RNF17: variants seen among roughly 807,000 people sequenced by gnomAD.
RNF17 encodes spermatogenesis associated 23.
A neutral mutation model predicts 200.5 loss-of-function variants in RNF17; 31 were observed. The observed-to-expected ratio is 0.15, with a 90% CI of 0.12 to 0.21. The LOEUF (loss-of-function observed/expected upper bound fraction) is 0.21. Among genes scored for constraint, RNF17 ranks in the 10% least tolerant of loss-of-function variants. RNF17 has a pLI of 1.00. For missense variants in RNF17, 1,628 were observed against 1,905.1 expected (o/e 0.85, Z 2.71); for synonymous variants, 606 against 637.8 (o/e 0.95, Z 0.75).
intron 15 of RNF17, among the ~76,000 whole-genome samples, chr13:24,824,878 T>C (rs1888453762): frequency 1.3e-5 from 2 of 152,186 alleles, no homozygotes; most frequent in African/African-American, 4.8e-5. Flanking sequence ...TCATTAAGTA[T>C]TAGGCCTTGA....
chr13:24,752,194 A>G, the RNF17 span: 497 of 151,980 alleles, frequency 3.3e-3, 9 homozygotes, highest in East Asian at 0.039. Flanking sequence ...CGATGCCACA[A>G]ATCTCTTCCT....
intron 15 of RNF17, among the ~76,000 whole-genome samples, chr13:24,818,434 AT>A (rs910961905): frequency 3.3e-5 from 5 of 152,086 alleles, no homozygotes; most frequent in African/African-American, 1.2e-4. Flanking sequence ...CTGTTTCCTT[AT>A]TGATACTCTG....
At chr13:24,834,815 G>A (rs1245350632) in intron 18 of RNF17, among the ~76,000 whole-genome samples, 4 of 152,186 alleles carry the variant, frequency 2.6e-5, no homozygotes, top group African/African-American at 9.7e-5. Flanking sequence ...AACAGGGTGA[G>A]AAGCCTCCTG....
rs1186483229 is a variant in RNF17 at position 24,812,145 on chromosome 13, C to G, written c.2091+7716C>G. On this transcript the variant is annotated intron_variant, in intron 15 of 35. Transcript: ENST00000255324. ...GTGGAGCCTATAGAGGCAGGCACGTCTCCTTGAGCTGTGGTGGGCTCCACC... is the reference window on the plus strand; with the variant it reads ...GTGGAGCCTATAGAGGCAGGCACGTGTCCTTGAGCTGTGGTGGGCTCCACC... Among the ~76,000 whole-genome samples, 132 of 142,254 alleles carry G rather than the reference C, an allele frequency of 9.3e-4. 18 individuals are homozygous for G. The highest frequency in any genetic ancestry group is 4.5e-3 in the Admixed American group (59 of 13,124). The allele number at this position is 142,254 out of a possible 152,430, so 93.3% of individuals were successfully genotyped here.
chr13:24,877,303 T>C (rs1894964111), intron 34 of RNF17, 117 bp downstream of exon 34: 1 of 732,688 alleles, frequency 1.4e-6, no homozygotes, highest in South Asian at 1.9e-5. Context: ...TATACAGCTA[T>C]ATAGGATATA....
the RNF17 span, among the ~76,000 whole-genome samples, chr13:24,753,529 C>A: frequency 2.0e-5 from 3 of 152,140 alleles, no homozygotes; most frequent in Admixed American, 6.5e-5. Context: ...CTGTGCTTAC[C>A]TGGAAGAAAG....
At position 24,858,575 on chromosome 13, in the gene RNF17, G is replaced by GATATATATATATAT. The variant is rs397770900; in HGVS notation, c.3611-421_3611-408dup. On this transcript the variant is annotated intron_variant, in intron 25 of 35. Transcript: ENST00000255324. ...CTTACCTTCTATGGTATCAGTTATG[G>GATATATATATATAT]ATATATATATATATATATGTTTACT... 1.4e-3 allele frequency among the ~76,000 whole-genome samples: 203 copies of GATATATATATATAT among 143,234 alleles called. 1 individual carries two copies. The highest frequency in any genetic ancestry group is 1.6e-3 in the African/African-American group (66 of 40,174). The allele number at this position is 143,234 out of a possible 152,430, so 94.0% of individuals were successfully genotyped here. A position where few individuals can be genotyped will look rare whatever the true frequency, so the allele number is the denominator to read the frequency against.
chr13:24,868,242 G>A (rs997947549), intron 30 of RNF17, among the ~76,000 whole-genome samples: 2 of 151,662 alleles, frequency 1.3e-5, no homozygotes, highest in African/African-American at 4.8e-5. Flanking sequence ...AGGCCGAGGC[G>A]GGCGGATCAC....
intron 6 of RNF17, among the ~76,000 whole-genome samples, chr13:24,784,826 CCT>C (rs1322845627): frequency 2.6e-5 from 4 of 152,084 alleles, no homozygotes; most frequent in Admixed American, 2.6e-4. Context: ...CCTGCCTCAG[CCT>C]CCTGAGTAGC....
In RNF17 at chr13:24,865,829, G is replaced by A. The variant is rs189157172; in HGVS notation, c.4102-315G>A. 2.3e-4 allele frequency among the ~76,000 whole-genome samples: 35 copies of A among 152,150 alleles called. No homozygotes were observed. In the South Asian group the frequency reaches 2.7e-3, roughly 12 times the overall value. On this transcript the variant is annotated intron_variant, in intron 29 of 35. Coordinates refer to ENST00000255324, the MANE Select transcript of RNF17 (RefSeq NM_031277.3). ...AGAAGTTACGTCTGTTATTAAACAC[G>A]TTTTATAAAGATTACTTAGTCTTTC...
intron 15 of RNF17, among the ~76,000 whole-genome samples, chr13:24,806,055 G>T (rs746238568): frequency 2.0e-5 from 3 of 151,972 alleles, no homozygotes; most frequent in Non-Finnish European, 4.4e-5. Context: ...CCCCACAACA[G>T]GCCCCAGTGT....
At chr13:24,859,193 C>T (rs757897368) in intron 26 of RNF17, 29 bp downstream of exon 26, 2 of 1,534,086 alleles carry the variant, frequency 1.3e-6, no homozygotes, top group South Asian at 1.3e-5. Context: ...TGTGACAATT[C>T]TAAAGCTAAA....
intron 3 of RNF17, 82 bp downstream of exon 3, chr13:24,774,986 C>G: frequency 1.1e-6 from 1 of 920,774 alleles, no homozygotes; most frequent in South Asian, 1.7e-5. Flanking sequence ...AAAATGTCAT[C>G]CTTAAGTCTG....
At chr13:24,850,319 T>C in intron 22 of RNF17, 22 bp from the exon 23 acceptor site, 1 of 1,485,592 alleles carries the variant, frequency 6.7e-7, no homozygotes, top group Non-Finnish European at 9.4e-7. Flanking sequence ...ATAAAACAAG[T>C]TGCCACTGTT....
intron 15 of RNF17, among the ~76,000 whole-genome samples, chr13:24,808,753 C>T (rs1356217712): frequency 4.8e-5 from 4 of 84,054 alleles, no homozygotes; most frequent in African/African-American, 1.9e-4. Context: ...CCAGTTTTTG[C>T]CCATTCAGTA....
At chr13:24,815,695 A>T (rs928881760) in intron 15 of RNF17, among the ~76,000 whole-genome samples, 2 of 152,168 alleles carry the variant, frequency 1.3e-5, no homozygotes, top group African/African-American at 4.8e-5. Context: ...GTATGATATT[A>T]TCTGTGAGTT....
At chr13:24,843,083 C>T (rs908409411) in intron 19 of RNF17, among the ~76,000 whole-genome samples, 1 of 152,086 alleles carries the variant, frequency 6.6e-6, no homozygotes, top group Non-Finnish European at 1.5e-5. Flanking sequence ...CCCATAGAGG[C>T]CTGCAGTGAC....
At chr13:24,845,419 A>G (rs1189916802) in intron 22 of RNF17, among the ~76,000 whole-genome samples, 1 of 152,252 alleles carries the variant, frequency 6.6e-6, no homozygotes, top group East Asian at 1.9e-4. Flanking sequence ...GATTCTGGGA[A>G]AATGACAGAA....
At chr13:24,802,229 C>A in intron 13 of RNF17, 152 bp from the exon 14 acceptor site, 1 of 579,620 alleles carries the variant, frequency 1.7e-6, no homozygotes, top group Non-Finnish European at 2.9e-6. Flanking sequence ...TGTGAGTCAC[C>A]ACGCCCGGCT....
Sources: allele counts gnomAD v4.1 joint callset (sites outside exome capture counted in the v4.1 genomes callset), GRCh38; gene constraint gnomAD v4.1.1; transcripts MANE v1.5; gene names NCBI Gene and HGNC (gene_info 2026-07-23, HGNC 2026-07-21).